Variants in IGLL5 observed in about 807,000 individuals in gnomAD.
IGLL5 encodes immunoglobulin lambda like polypeptide 5, also known as immunoglobulin lambda-like polypeptide 5.
IGLL5 carries 30 observed loss-of-function variants against 20.9 expected under a neutral mutation model. The observed-to-expected ratio is 1.44, with a 90% CI of 1.07 to 1.95. The LOEUF (loss-of-function observed/expected upper bound fraction) is 1.95, where lower values mean the gene tolerates loss of function less well. Among genes scored for constraint, IGLL5 ranks in the 30% most tolerant of loss-of-function variants. The pLI, the probability that IGLL5 is intolerant of heterozygous loss-of-function variation, is 0.00. For missense variants in IGLL5, 475 were observed against 270.7 expected, an observed-to-expected ratio of 1.75 and a Z score of -5.30; for synonymous variants, 203 against 117.3, an observed-to-expected ratio of 1.73 and a Z score of -4.72.
Position 22,895,366 on chromosome 22 carries a change from T to C in IGLL5, c.326-9T>C, listed in dbSNP as rs1601631214. On this transcript the variant is annotated splice_polypyrimidine_tract_variant and intron_variant, in intron 2 of 2. Coordinates refer to ENST00000526893, the MANE Select transcript of IGLL5 (RefSeq NM_001178126.2). ...CTGCCCTCTCTCACCCCCTTCCCTG[T>C]CCACACAGGTCAGCCCAAGGCCAAC... is the stretch of plus-strand genomic sequence containing the variant. The C allele has an allele frequency of 6.2e-7, 1 of 1,612,160 alleles. No individual in the cohort carries two copies. Among genetic ancestry groups the C allele is most frequent in the East Asian group, 2.2e-5 (1 of 44,670 alleles).
intron 1 of IGLL5, among the ~76,000 whole-genome samples, chr22:22,888,574 G>T (rs530345640): frequency 6.6e-6 from 1 of 151,352 alleles, no homozygotes; most frequent in Admixed American, 6.6e-5. Context: ...GGCAGGGACA[G>T]GACATCCACA....
At chr22:22,888,895 G>C (rs565211556) in intron 1 of IGLL5, among the ~76,000 whole-genome samples, 4 of 151,420 alleles carry the variant, frequency 2.6e-5, no homozygotes, top group East Asian at 2.0e-4. Flanking sequence ...GCCCAGGCTG[G>C]TCTCACAGAT....
At chr22:22,895,006 A>C (rs760712114) in intron 2 of IGLL5, among the ~76,000 whole-genome samples, 1 of 151,414 alleles carries the variant, frequency 6.6e-6, no homozygotes, top group Admixed American at 6.6e-5. Flanking sequence ...AAAGTGGGTG[A>C]TGGAGGGGGG....
chr22:22,888,878 G>GA, intron 1 of IGLL5, among the ~76,000 whole-genome samples: 1 of 151,404 alleles, frequency 6.6e-6, no homozygotes, highest in African/African-American at 2.4e-5. Flanking sequence ...TCTCCCTCTG[G>GA]GATGATGCCC....
intron 1 of IGLL5, among the ~76,000 whole-genome samples, chr22:22,889,347 T>G (rs2067709433): frequency 6.6e-6 from 1 of 151,044 alleles, no homozygotes; most frequent in African/African-American, 2.4e-5. Flanking sequence ...CTATGGGCAT[T>G]AAAAATGTAT....
chr22:22,895,239 A>G, intron 2 of IGLL5, 136 bp from the exon 3 acceptor site: 1 of 783,706 alleles, frequency 1.3e-6, no homozygotes, highest in African/African-American at 1.7e-5. Flanking sequence ...AAGGATGGGG[A>G]AAGAAGAGGA....
Position 22,895,626 on chromosome 22 carries a change from T to C in IGLL5, c.577T>C (p.Tyr193His). ...TPEQWKSHRSYSCQVTHEGST... is the reference protein window; with the variant it reads ...TPEQWKSHRSHSCQVTHEGST... ...CGAGCAGTGGAAGTCCCACAGAAGC[T>C]ACAGCTGCCAGGTCACGCATGAAGG... Residue 193 changes from tyrosine to histidine, a missense_variant, in exon 3 of 3, where the codon TAC (tyrosine) becomes CAC (histidine). Transcript: ENST00000526893. The C allele has an allele frequency of 1.9e-6, 3 of 1,613,264 alleles. No individual in the cohort carries two copies. In the South Asian group the frequency reaches 3.3e-5, roughly 18 times the overall value.
chr22:22,893,881 TCTCTC>T lies in IGLL5; in HGVS notation c.325+64_325+68del. The T allele has an allele frequency of 1.7e-6, 2 of 1,157,624 alleles. 1 individual carries two copies. The highest frequency in any genetic ancestry group is 2.4e-5 in the South Asian group (2 of 81,654). 71.7% of individuals were successfully genotyped at this position (1,157,624 alleles called of 1,614,324 possible). ...TCTGCTGTCCCTGGAAAATCTGTTT[TCTCTC>T]TCTGGGGCTTCCTCCCCTCTGTCCT... On this transcript the variant is annotated intron_variant, in intron 2 of 2. Transcript: ENST00000526893.
At chr22:22,891,590 C>T (rs1469662936) in intron 1 of IGLL5, among the ~76,000 whole-genome samples, 1 of 151,164 alleles carries the variant, frequency 6.6e-6, no homozygotes, top group Non-Finnish European at 1.5e-5. Context: ...GTGGTAATAT[C>T]ACAGAATATG....
intron 1 of IGLL5, among the ~76,000 whole-genome samples, chr22:22,889,035 C>A (rs538021037): frequency 6.6e-6 from 1 of 151,372 alleles, no homozygotes; most frequent in East Asian, 2.0e-4. Context: ...AGGGTCCGTG[C>A]ACCATTCCCA....
chr22:22,894,823 T>C (rs1601628825), intron 2 of IGLL5, among the ~76,000 whole-genome samples: 1 of 151,312 alleles, frequency 6.6e-6, no homozygotes, highest in Admixed American at 6.6e-5. Flanking sequence ...AGCCCACTCC[T>C]TGCCAGGAGA....
intron 2 of IGLL5, 97 bp downstream of exon 2, chr22:22,893,915 A>G (rs547759025): frequency 1.5e-5 from 13 of 863,282 alleles, no homozygotes; most frequent in African/African-American, 6.6e-5. Context: ...CTGTCCTCCC[A>G]GCCTTAAGCA....
chr22:22,890,101 A>T (rs2067775246), intron 1 of IGLL5, among the ~76,000 whole-genome samples: 1 of 149,470 alleles, frequency 6.7e-6, no homozygotes. Flanking sequence ...CATGTGCATT[A>T]CTCTTTTTGT....
chr22:22,895,756 C>T lies in IGLL5; in HGVS notation c.*62C>T, dbSNP rs2066754739. Reference sequence around the variant, plus strand: ...CTGCAGGATCCCAGGGGAGGGGTCTCTCTCCCCATCCCAAGTCATCCAGCC... The same window carrying T: ...CTGCAGGATCCCAGGGGAGGGGTCTTTCTCCCCATCCCAAGTCATCCAGCC... On this transcript the variant is annotated 3_prime_UTR_variant, in exon 3 of 3. Transcript: ENST00000526893. The T allele has an allele frequency of 6.6e-7, 1 of 1,507,132 alleles. No individual in the cohort carries two copies. The highest frequency in any genetic ancestry group is 1.4e-5 in the African/African-American group (1 of 72,618). The allele number at this position is 1,507,132 out of a possible 1,614,324, so 93.4% of individuals were successfully genotyped here. A position where few individuals can be genotyped will look rare whatever the true frequency, so the allele number is the denominator to read the frequency against.
At chr22:22,888,750 T>A (rs529169394) in intron 1 of IGLL5, among the ~76,000 whole-genome samples, 2 of 151,274 alleles carry the variant, frequency 1.3e-5, no homozygotes, top group East Asian at 2.0e-4. Context: ...AACTTGCACA[T>A]AAATGCTTAC....
rs2066752434 is a variant in IGLL5, at chr22:22,895,671, G to A, written c.622G>A (p.Val208Met). Residue 208 changes from valine (V) to methionine (M), a missense_variant, in exon 3 of 3, where the codon GTG (valine) becomes ATG (methionine). Transcript: ENST00000526893. ...THEGSTVEKT[V>M]APTECS ...TGAAGGGAGCACCGTGGAGAAGACAGTGGCCCCTACAGAATGTTCATAGGT... is the reference window on the plus strand; with the variant it reads ...TGAAGGGAGCACCGTGGAGAAGACAATGGCCCCTACAGAATGTTCATAGGT... 3 of 1,613,134 alleles carry A rather than the reference G, an allele frequency of 1.9e-6. No homozygotes were observed. The highest frequency in any genetic ancestry group is 1.7e-4 in the Middle Eastern group (1 of 6,050).
intron 1 of IGLL5, among the ~76,000 whole-genome samples, 178 bp downstream of exon 1, chr22:22,888,437 C>G (rs147224116): frequency 9.9e-5 from 15 of 151,252 alleles, no homozygotes; most frequent in East Asian, 4.1e-4. Flanking sequence ...GTTTGAATTA[C>G]TGTTTTTAAT....
rs545109780 is a variant in IGLL5, at chr22:22,888,148, C to G, written c.95C>G (p.Ala32Gly). The G allele has an allele frequency of 3.2e-6, 5 of 1,549,212 alleles. No homozygotes were observed. Among genetic ancestry groups the G allele is most frequent in the Admixed American group, 2.0e-5 (1 of 50,804 alleles). Residue 32 changes from alanine to glycine, a missense_variant, in exon 1 of 3, where the codon GCC (alanine) becomes GGC (glycine). Ala to Gly is a moderately conservative substitution (Grantham distance 60). Transcript: ENST00000526893. The stretch of plus-strand genomic sequence containing the variant: ...TGGCCCCTGCTGCTGCTGGGTCTGG[C>G]CATGGTCGCCCATGGCCTGCTGCGC... The part of the protein sequence containing the change: ...QRWPLLLLGL[A>G]MVAHGLLRPM...
In IGLL5 at chr22:22,895,622, A is replaced by G. The variant is rs753908570; in HGVS notation, c.573A>G (p.Arg191=). 6.2e-7 allele frequency: 1 copy of G among 1,613,218 alleles called. No individual in the cohort carries two copies. Among genetic ancestry groups the G allele is most frequent in the Non-Finnish European group, 8.5e-7 (1 of 1,179,774 alleles). Residue 191 remains arginine, a synonymous_variant, in exon 3 of 3, where the codon AGA becomes AGG. Coordinates refer to ENST00000526893, the MANE Select transcript of IGLL5 (RefSeq NM_001178126.2). The part of the protein sequence containing the change: ...SLTPEQWKSH[R]SYSCQVTHEG... ...CGCCCGAGCAGTGGAAGTCCCACAG[A>G]AGCTACAGCTGCCAGGTCACGCATG...
Sources: allele counts gnomAD v4.1 joint callset (sites outside exome capture counted in the v4.1 genomes callset), GRCh38; gene constraint gnomAD v4.1.1; transcripts MANE v1.5; gene names NCBI Gene and HGNC (gene_info 2026-07-23, HGNC 2026-07-21).